Variants in DRC3 observed in about 807,000 individuals in gnomAD.
DRC3 encodes the protein dynein regulatory complex subunit 3.
DRC3 carries 45 observed loss-of-function variants against 57.6 expected under a neutral mutation model. That is an observed-to-expected ratio of 0.78 (90% CI 0.62 to 1.00). The LOEUF is 1.00. Among genes scored for constraint, DRC3 ranks in the 50% least tolerant of loss-of-function variants. The pLI is 0.00. For synonymous variants in DRC3, 257 were observed against 272.3 expected, an observed-to-expected ratio of 0.94 and a Z score of 0.55; for missense variants, 655 against 675.2, an observed-to-expected ratio of 0.97 and a Z score of 0.33.
chr17:17,986,719 C>G (rs532898739), intron 4 of DRC3, among the ~76,000 whole-genome samples: 1 of 152,140 alleles, frequency 6.6e-6, no homozygotes, highest in African/African-American at 2.4e-5. Flanking sequence ...CCGCCTCGGC[C>G]TCCCAGAGTG....
At chr17:17,990,287 G>A (rs1260670794) in intron 5 of DRC3, among the ~76,000 whole-genome samples, 1 of 152,238 alleles carries the variant, frequency 6.6e-6, no homozygotes, top group Non-Finnish European at 1.5e-5. Context: ...GTTGGGTCAA[G>A]CCACAGAGGT....
At chr17:17,980,118 T>C (rs1314830438) in intron 3 of DRC3, among the ~76,000 whole-genome samples, 1 of 152,152 alleles carries the variant, frequency 6.6e-6, no homozygotes, top group Non-Finnish European at 1.5e-5. Context: ...AACCCTGTCC[T>C]CCCCAGAACT....
At chr17:17,974,977 G>C (rs1379814774) in intron 2 of DRC3, among the ~76,000 whole-genome samples, 2 of 152,208 alleles carry the variant, frequency 1.3e-5, no homozygotes, top group Admixed American at 1.3e-4. Flanking sequence ...CCAAGGCTTA[G>C]ATAGGTGAAG....
chr17:18,010,887 C>CAAGTAGTCTGAGATCATTGACTTT lies in DRC3; in HGVS notation c.1326+3741_1326+3764dup, dbSNP rs538670206. 81 of 350,348 alleles carry CAAGTAGTCTGAGATCATTGACTTT rather than the reference C, an allele frequency of 2.3e-4. No homozygotes were observed. The East Asian group carries it at 6.0e-3, about 26-fold the overall frequency. 21.7% of individuals were successfully genotyped at this position (350,348 alleles called of 1,614,324 possible). On this transcript the variant is annotated intron_variant, in intron 12 of 13. Coordinates refer to ENST00000399187, the MANE Select transcript of DRC3 (RefSeq NM_031294.4). ...AGATCTATCTCTTCTCCCCGCCCAT[C>CAAGTAGTCTGAGATCATTGACTTT]AAGTAGTCTGAGATCATTGACTTTT...
At chr17:18,015,610 G>A in intron 12 of DRC3, 2 of 157,386 alleles carry the variant, frequency 1.3e-5, no homozygotes, top group Admixed American at 6.2e-5. Context: ...ACTGTGGGGT[G>A]AACACCCATG....
Position 17,994,311 on chromosome 17 carries a change from GAGGCTA to G in DRC3, c.607_612del (p.Ala203_Lys204del). On this transcript the variant is annotated inframe_deletion, in exon 7 of 14. Coordinates refer to ENST00000399187, the MANE Select transcript of DRC3 (RefSeq NM_031294.4). ...GTTCCCTGGTCAGAAAAAGCTTGCG[GAGGCTA>G]AGCACCAGTACAGCATCGACGAGCT... The G allele has an allele frequency of 1.3e-6, 2 of 1,552,618 alleles. No homozygotes were observed. The highest frequency in any genetic ancestry group is 4.9e-5 in the East Asian group (2 of 40,936).
intron 12 of DRC3, chr17:18,010,884 C>T (rs528648814): frequency 2.8e-6 from 1 of 352,244 alleles, no homozygotes; most frequent in South Asian, 2.3e-5. Flanking sequence ...TCTCCCCGCC[C>T]ATCAAGTAGT....
At chr17:17,974,330 G>T (rs1182096140) in intron 2 of DRC3, among the ~76,000 whole-genome samples, 3 of 152,234 alleles carry the variant, frequency 2.0e-5, no homozygotes, top group Admixed American at 6.5e-5. Flanking sequence ...TGTTGCTAGA[G>T]TGAGCTTCTT....
chr17:17,994,599 C>T (rs763092899), intron 7 of DRC3, among the ~76,000 whole-genome samples, 181 bp downstream of exon 7: 14 of 152,296 alleles, frequency 9.2e-5, no homozygotes, highest in Middle Eastern at 6.8e-3. Context: ...GGGCCAGCTC[C>T]GTCTCAGTCC....
chr17:17,984,219 A>G lies in DRC3; in HGVS notation c.277+275A>G, dbSNP rs1414621468. Among the ~76,000 whole-genome samples, 3 of 152,210 alleles carry G rather than the reference A, an allele frequency of 2.0e-5. No homozygotes were observed. In the South Asian group the frequency reaches 6.2e-4, roughly 31 times the overall value. ...CCCAAACTTTCAGTCTGGATGGGGT[A>G]CAAAGGGGCAGCTGTGGACTCCTAT... On this transcript the variant is annotated intron_variant, in intron 4 of 13. Transcript: ENST00000399187.
intron 5 of DRC3, chr17:17,988,565 G>T (rs1288157069): frequency 6.4e-6 from 1 of 156,486 alleles, no homozygotes; most frequent in African/African-American, 2.4e-5. Flanking sequence ...AGGCTTAGGG[G>T]TGTGCACAAG....
intron 9 of DRC3, among the ~76,000 whole-genome samples, chr17:18,003,513 A>G (rs2043825448): frequency 6.8e-6 from 1 of 148,064 alleles, no homozygotes; most frequent in Non-Finnish European, 1.5e-5. Flanking sequence ...AAAAAAAAAA[A>G]AAAGAATGGT....
At chr17:17,979,951 G>T (rs1424880056) in intron 3 of DRC3, among the ~76,000 whole-genome samples, 1 of 152,088 alleles carries the variant, frequency 6.6e-6, no homozygotes, top group Non-Finnish European at 1.5e-5. Flanking sequence ...GGGAAGGGCA[G>T]TCCCACCCAG....
intron 11 of DRC3, 190 bp from the exon 12 acceptor site, chr17:18,006,834 C>G: frequency 2.5e-6 from 2 of 791,932 alleles, no homozygotes; most frequent in Non-Finnish European, 3.9e-6. Context: ...GCCGAGGGTC[C>G]GTCCGAGGTG....
At chr17:18,006,646 C>T (rs2043962006) in intron 11 of DRC3, 7 of 367,054 alleles carry the variant, frequency 1.9e-5, no homozygotes, top group South Asian at 1.8e-4. Flanking sequence ...CCACATGGGG[C>T]AAACTGCTGT....
Position 17,994,397 on chromosome 17 carries a change from G to A in DRC3, c.690G>A (p.Arg230=). The change falls in exon 7 of 14, where the codon CGG becomes CGA. Residue 230 remains arginine, a synonymous_variant. Transcript: ENST00000399187. ...AGCTGGAGGACGAGCAGGCGCAGCG[G>A]GAGGAGCTAGAGAAGCACAAGGTAC... ...QAQLEDEQAQ[R]EELEKHKTAF... is the part of the protein sequence containing the mutation. 1 of 1,553,192 alleles carries A rather than the reference G, an allele frequency of 6.4e-7. No homozygotes were observed. The highest frequency in any genetic ancestry group is 1.2e-5 in the South Asian group (1 of 84,106).
chr17:18,004,477 C>T lies in DRC3; in HGVS notation c.1114C>T (p.Leu372=). 1 of 1,611,184 alleles carries T rather than the reference C, an allele frequency of 6.2e-7. No homozygotes were observed. Among genetic ancestry groups the T allele is most frequent in the African/African-American group, 1.3e-5 (1 of 75,004 alleles). The change falls in exon 10 of 14, where the codon CTG becomes TTG. Residue 372 remains leucine, a synonymous_variant. Transcript: ENST00000399187. The part of the protein sequence containing the change: ...FDALMTLEMQ[L]VEQLEETINM... ...TGCGCTCATGACGCTGGAGATGCAG[C>T]TGGTGGAGCAGCTGGAGGTAAGGCT...
rs776400400 is a variant in DRC3 at position 17,983,904 on chromosome 17, G to C, written c.237G>C (p.Lys79Asn). ...AGCTGGACAATAACATCATTGAGAAGATCGAGGGCCTGGAGAACCTCGCAC... is the reference window on the plus strand; with the variant it reads ...AGCTGGACAATAACATCATTGAGAACATCGAGGGCCTGGAGAACCTCGCAC... ...KLQLDNNIIE[K>N]IEGLENLAHL... is the part of the protein sequence containing the mutation. Residue 79 changes from lysine to asparagine, a missense_variant, in exon 4 of 14, where the codon AAG (lysine) becomes AAC (asparagine). Physicochemically the swap from Lys to Asn is moderately conservative, Grantham distance 94 (BLOSUM62 0). Coordinates refer to ENST00000399187, the MANE Select transcript of DRC3 (RefSeq NM_031294.4). 6.2e-7 allele frequency: 1 copy of C among 1,613,554 alleles called. No homozygotes were observed. The highest frequency in any genetic ancestry group is 8.5e-7 in the Non-Finnish European group (1 of 1,179,612).
At position 18,016,131 on chromosome 17, in the gene DRC3, T is replaced by G; in HGVS notation, c.1394T>G (p.Ile465Ser). The G allele has an allele frequency of 6.2e-7, 1 of 1,613,958 alleles. No homozygotes were observed. The highest frequency in any genetic ancestry group is 8.5e-7 in the Non-Finnish European group (1 of 1,179,870). Residue 465 changes from isoleucine (I) to serine (S), a missense_variant, in exon 13 of 14, where the codon ATT becomes AGT. Ile to Ser is a moderately radical substitution (Grantham distance 142). Transcript: ENST00000399187. ...GASHDIHLLKIDNREDELVTR... is the reference protein window; with the variant it reads ...GASHDIHLLKSDNREDELVTR... The stretch of plus-strand genomic sequence containing the variant: ...TCGCACGACATCCACCTCCTGAAGA[T>G]TGACAATCGAGAAGATGAGCTGGTG...
Sources: gnomAD v4.1 joint callset for allele counts (sites outside exome capture counted in the v4.1 genomes callset) on GRCh38, gnomAD v4.1.1 for gene constraint, MANE v1.5 for transcripts, NCBI Gene and HGNC (gene_info 2026-07-23, HGNC 2026-07-21) for gene names.